The following LRRC28 variants were observed in gnomAD, a reference collection of about 807,000 sequenced individuals.
The protein encoded by LRRC28 is leucine rich repeat containing 28.
In LRRC28, 39 loss-of-function variants were observed where a neutral mutation model predicts 45.7. The observed-to-expected ratio is 0.85, with a 90% confidence interval of 0.66 to 1.12. The LOEUF (loss-of-function observed/expected upper bound fraction) is 1.12. Among genes scored for constraint, LRRC28 ranks in the 50% most tolerant of loss-of-function variants. The probability of loss-of-function intolerance (pLI) is 0.00; values close to 1 mark genes in which losing one functional copy is unlikely to be tolerated. For synonymous variants in LRRC28, 206 were observed against 178.8 expected (o/e 1.15, Z -1.22); for missense variants, 435 against 438.5 (o/e 0.99, Z 0.07).
chr15:99,384,973 C>G (rs1362936968), intron 9 of LRRC28, among the ~76,000 whole-genome samples: 1 of 152,186 alleles, frequency 6.6e-6, no homozygotes, highest in African/African-American at 2.4e-5. Flanking sequence ...GGGTGGAGAG[C>G]ACCCAGAAGG....
intron 6 of LRRC28, among the ~76,000 whole-genome samples, chr15:99,342,843 T>G (rs911799539): frequency 1.6e-4 from 24 of 152,228 alleles, no homozygotes; most frequent in African/African-American, 4.6e-4. Context: ...TAATTCACTG[T>G]GAAGTCTTAT....
intron 5 of LRRC28, among the ~76,000 whole-genome samples, chr15:99,295,197 C>T (rs951807867): frequency 1.3e-5 from 2 of 152,270 alleles, no homozygotes; most frequent in Admixed American, 6.5e-5. Flanking sequence ...TGCTTCCCTG[C>T]CTTCTTTTAT....
chr15:99,275,766 G>A (rs558966759), intron 2 of LRRC28, among the ~76,000 whole-genome samples: 1 of 152,124 alleles, frequency 6.6e-6, no homozygotes, highest in Admixed American at 6.5e-5. Flanking sequence ...CCAGTTTCTG[G>A]TTCTTCCCTC....
At chr15:99,314,733 T>C (rs1462535905) in intron 5 of LRRC28, among the ~76,000 whole-genome samples, 1 of 152,070 alleles carries the variant, frequency 6.6e-6, no homozygotes, top group Non-Finnish European at 1.5e-5. Context: ...ACCTGGGTTT[T>C]AAGTTCCTCT....
At position 99,264,276 on chromosome 15, in the gene LRRC28, C is replaced by T. The variant is rs141620996; in HGVS notation, c.168+8151C>T. On this transcript the variant is annotated intron_variant, in intron 2 of 9. Coordinates refer to ENST00000301981, the MANE Select transcript of LRRC28 (RefSeq NM_144598.5). ...GGAGAGAGGGAGAGGAGGAAGTGGTCACCTGCAGGCGACTAGAAAGCTAAC... is the reference window on the plus strand; with the variant it reads ...GGAGAGAGGGAGAGGAGGAAGTGGTTACCTGCAGGCGACTAGAAAGCTAAC... Among the ~76,000 whole-genome samples the T allele has an allele frequency of 1.6e-3, 246 of 152,278 alleles. 1 individual carries two copies. The highest frequency in any genetic ancestry group is 5.1e-3 in the African/African-American group (213 of 41,560).
chr15:99,371,532 A>G (rs1053397951), intron 9 of LRRC28, among the ~76,000 whole-genome samples: 1 of 152,176 alleles, frequency 6.6e-6, no homozygotes, highest in African/African-American at 2.4e-5. Flanking sequence ...GCTCTTTTAT[A>G]TAATTCTTAT....
rs149929136 is a variant in LRRC28, at chr15:99,371,389, T to C, written c.1031+8124T>C. Among the ~76,000 whole-genome samples the C allele has an allele frequency of 6.2e-4, 94 of 152,328 alleles. 1 individual carries two copies. In the East Asian group the frequency reaches 0.016, roughly 25 times the overall value. On this transcript the variant is annotated intron_variant, in intron 9 of 9. Transcript: ENST00000301981. ...ATGAGAGTGCCACATGTCTGAGTGA[T>C]TGTTGTGCCTTGAGGTAAAGACCTG...
intron 6 of LRRC28, among the ~76,000 whole-genome samples, chr15:99,343,294 A>G (rs1956576106): frequency 6.6e-6 from 1 of 152,214 alleles, no homozygotes; most frequent in Non-Finnish European, 1.5e-5. Flanking sequence ...GCATGAAGTA[A>G]ACACAGATCC....
At chr15:99,375,831 A>G (rs1055843117) in intron 9 of LRRC28, among the ~76,000 whole-genome samples, 1 of 152,014 alleles carries the variant, frequency 6.6e-6, no homozygotes, top group Non-Finnish European at 1.5e-5. Context: ...CATTTTTAAT[A>G]TTAATTCGTG....
At chr15:99,304,465 CTG>C (rs1449461513) in intron 5 of LRRC28, among the ~76,000 whole-genome samples, 2 of 151,462 alleles carry the variant, frequency 1.3e-5, no homozygotes, top group Non-Finnish European at 2.9e-5. Flanking sequence ...GGGTCTTACT[CTG>C]TCACCCAGGC....
At chr15:99,276,104 G>A (rs890778160) in intron 2 of LRRC28, among the ~76,000 whole-genome samples, 1 of 151,760 alleles carries the variant, frequency 6.6e-6, no homozygotes, top group Non-Finnish European at 1.5e-5. Context: ...AGTGCCTGAC[G>A]ATCTGTCACA....
intron 5 of LRRC28, among the ~76,000 whole-genome samples, chr15:99,299,086 C>CT (rs1427304988): frequency 1.3e-5 from 2 of 152,176 alleles, no homozygotes; most frequent in Admixed American, 1.3e-4. Context: ...CGTTTGCTAT[C>CT]TTGGCAAAAT....
rs1310329866 is a variant in LRRC28, at chr15:99,388,008, T to TG, written c.*1907dup. ...TATCTGCACTGTTCTTACTTCCTCTTGTCCCTTTTCATATCTTGGTCTATT... is the reference window on the plus strand; with the variant it reads ...TATCTGCACTGTTCTTACTTCCTCTTGGTCCCTTTTCATATCTTGGTCTATT... On this transcript the variant is annotated 3_prime_UTR_variant, in exon 10 of 10. Coordinates refer to ENST00000301981, the MANE Select transcript of LRRC28 (RefSeq NM_144598.5). 6.6e-6 allele frequency: 1 copy of TG among 152,260 alleles called. No individual in the cohort carries two copies. Among genetic ancestry groups the TG allele is most frequent in the Non-Finnish European group, 1.5e-5 (1 of 68,038 alleles). The allele number at this position is 152,260 out of a possible 1,614,324, so 9.4% of individuals were successfully genotyped here.
chr15:99,389,067 A>G lies in LRRC28; in HGVS notation c.*2965A>G, dbSNP rs575295053. ...ATAATAATTAAATGATCCCTATTCA[A>G]AAGAACCCTGGCTTGGGTGGAGGAT... On this transcript the variant is annotated 3_prime_UTR_variant, in exon 10 of 10. Coordinates refer to ENST00000301981, the MANE Select transcript of LRRC28 (RefSeq NM_144598.5). The G allele has an allele frequency of 3.9e-4, 60 of 152,314 alleles. No homozygotes were observed. Among genetic ancestry groups the G allele is most frequent in the African/African-American group, 1.4e-3 (58 of 41,562 alleles). 9.4% of individuals were successfully genotyped at this position (152,314 alleles called of 1,614,324 possible).
Position 99,390,248 on chromosome 15 carries a change from C to G in LRRC28, c.*4146C>G, listed in dbSNP as rs1204459751. The G allele has an allele frequency of 6.6e-6, 1 of 152,270 alleles. No individual in the cohort carries two copies. Among genetic ancestry groups the G allele is most frequent in the Non-Finnish European group, 1.5e-5 (1 of 68,072 alleles). 9.4% of individuals were successfully genotyped at this position (152,270 alleles called of 1,614,324 possible). On this transcript the variant is annotated 3_prime_UTR_variant, in exon 10 of 10. Transcript: ENST00000301981. ...TGATCATAGCCAAGTGACTGACATT[C>G]TCTCGGTCAGGAAAAGAGCTTGCTT...
intron 2 of LRRC28, among the ~76,000 whole-genome samples, chr15:99,256,652 T>C (rs2081030106): frequency 6.6e-6 from 1 of 152,232 alleles, no homozygotes; most frequent in Admixed American, 6.5e-5. Flanking sequence ...GAAACTCAAA[T>C]GATTTTGAAT....
chr15:99,323,370 T>C (rs1030904135), intron 5 of LRRC28, among the ~76,000 whole-genome samples: 2 of 152,224 alleles, frequency 1.3e-5, no homozygotes, highest in African/African-American at 4.8e-5. Flanking sequence ...GAATTCTGCT[T>C]TTTAAAAAAT....
intron 6 of LRRC28, among the ~76,000 whole-genome samples, chr15:99,339,734 T>G (rs1405572854): frequency 6.7e-6 from 1 of 150,018 alleles, no homozygotes; most frequent in Non-Finnish European, 1.5e-5. Flanking sequence ...AAAAAGCGAT[T>G]GAATTTGTAA....
chr15:99,312,128 C>G (rs1282833198), intron 5 of LRRC28, among the ~76,000 whole-genome samples: 1 of 152,188 alleles, frequency 6.6e-6, no homozygotes, highest in Non-Finnish European at 1.5e-5. Context: ...GGAATACATT[C>G]TAAGAAATGT....
Sources: allele counts gnomAD v4.1 joint callset (sites outside exome capture counted in the v4.1 genomes callset), GRCh38; gene constraint gnomAD v4.1.1; transcripts MANE v1.5; gene names NCBI Gene and HGNC (gene_info 2026-07-23, HGNC 2026-07-21).